CHCHD6: variants seen among roughly 807,000 people sequenced by gnomAD.
CHCHD6 encodes the protein coiled-coil-helix-coiled-coil-helix domain containing 6.
A neutral mutation model predicts 32.3 loss-of-function variants in CHCHD6; 28 were observed. The ratio of observed to expected loss-of-function variants is 0.87; its 90% CI spans 0.64 to 1.19. CHCHD6 has a LOEUF of 1.19. CHCHD6 is among the 50% of genes most tolerant of loss of function. The pLI, the probability that CHCHD6 is intolerant of heterozygous loss-of-function variation, is 0.00. For synonymous variants in CHCHD6, 122 were observed against 117.5 expected, an observed-to-expected ratio of 1.04 and a Z score of -0.25; for missense variants, 333 against 307.0, an observed-to-expected ratio of 1.08 and a Z score of -0.63.
intron 4 of CHCHD6, chr3:126,766,860 A>G: frequency 1.0e-6 from 1 of 966,466 alleles, no homozygotes; most frequent in Non-Finnish European, 1.7e-6. Flanking sequence ...CAGGGAAGTC[A>G]AACAGCTTCA....
At position 126,796,829 on chromosome 3, in the gene CHCHD6, C is replaced by T. The variant is rs568427108; in HGVS notation, c.412-55818C>T. Reference sequence around the variant, plus strand: ...CACTCGAAGCCTCTGTGGCCAAACTCGAGCTTCCTTGCCCTCCACTGTATC... The same window carrying T: ...CACTCGAAGCCTCTGTGGCCAAACTTGAGCTTCCTTGCCCTCCACTGTATC... On this transcript the variant is annotated intron_variant, in intron 4 of 7. Coordinates refer to ENST00000290913, the MANE Select transcript of CHCHD6 (RefSeq NM_032343.3). 1.2e-4 allele frequency among the ~76,000 whole-genome samples: 19 copies of T among 152,294 alleles called. No individual in the cohort carries two copies. In the East Asian group the frequency reaches 2.5e-3, roughly 20 times the overall value.
chr3:126,945,776 G>A (rs1489870223), intron 6 of CHCHD6, among the ~76,000 whole-genome samples: 3 of 150,444 alleles, frequency 2.0e-5, no homozygotes, highest in East Asian at 2.0e-4. Flanking sequence ...CTCGAGCGGG[G>A]ACACTCAGGG....
intron 6 of CHCHD6, among the ~76,000 whole-genome samples, chr3:126,947,974 G>A (rs778924246): frequency 6.6e-6 from 1 of 152,204 alleles, no homozygotes; most frequent in East Asian, 1.9e-4. Context: ...CCCTGGCATG[G>A]AGCCTGGCAT....
chr3:126,824,874 C>T lies in CHCHD6; in HGVS notation c.412-27773C>T, dbSNP rs59206005. 2.2e-4 allele frequency among the ~76,000 whole-genome samples: 33 copies of T among 152,130 alleles called. No individual in the cohort carries two copies. The East Asian group carries it at 4.1e-3, about 19-fold the overall frequency. ...GATTACAGGTGTGAGCCACTGTGCC[C>T]GGCCTGACTTTCTTGATTTTCTTAA... is the stretch of plus-strand genomic sequence containing the variant. On this transcript the variant is annotated intron_variant, in intron 4 of 7. Coordinates refer to ENST00000290913, the MANE Select transcript of CHCHD6 (RefSeq NM_032343.3).
chr3:126,790,752 T>C (rs1359490107), intron 4 of CHCHD6, among the ~76,000 whole-genome samples: 1 of 152,196 alleles, frequency 6.6e-6, no homozygotes, highest in Non-Finnish European at 1.5e-5. Context: ...TTTTAACTTC[T>C]TTGTGATGGG....
At position 126,782,022 on chromosome 3, in the gene CHCHD6, G is replaced by A. The variant is rs554720905; in HGVS notation, c.411+48800G>A. Among the ~76,000 whole-genome samples the A allele has an allele frequency of 4.6e-5, 7 of 152,194 alleles. No homozygotes were observed. The South Asian group carries it at 1.0e-3, about 23-fold the overall frequency. The stretch of plus-strand genomic sequence containing the variant: ...GCTGAGCCCAGTCAGAGGAGTTGGC[G>A]GGTGGGGAGAGGGAAAAGAAGACTG... On this transcript the variant is annotated intron_variant, in intron 4 of 7. Transcript: ENST00000290913.
chr3:126,872,060 G>A (rs1411280103), intron 5 of CHCHD6, among the ~76,000 whole-genome samples: 2 of 152,110 alleles, frequency 1.3e-5, no homozygotes, highest in Non-Finnish European at 2.9e-5. Context: ...TTAGGGTGTG[G>A]TGGCTCTCAA....
At chr3:126,895,156 A>G (rs748872061) in intron 5 of CHCHD6, among the ~76,000 whole-genome samples, 92 of 152,336 alleles carry the variant, frequency 6.0e-4, no homozygotes, top group Non-Finnish European at 9.4e-4. Context: ...ATTCTTGTTA[A>G]TGGTTGCATA....
rs548837009 is a variant in CHCHD6, at chr3:126,726,635, G to A, written c.88-443G>A. Among the ~76,000 whole-genome samples the A allele has an allele frequency of 1.4e-4, 22 of 152,332 alleles. No homozygotes were observed. In the South Asian group the frequency reaches 2.3e-3, roughly 16 times the overall value. On this transcript the variant is annotated intron_variant, in intron 1 of 7. Transcript: ENST00000290913. ...ACCTGTGCTTCACTTGCATGCTGTC[G>A]AGGAGCAGCCTTCCCTGGAGAAGGG...
At chr3:126,723,521 A>G (rs997592577) in intron 1 of CHCHD6, among the ~76,000 whole-genome samples, 2 of 151,002 alleles carry the variant, frequency 1.3e-5, no homozygotes, top group South Asian at 4.2e-4. Context: ...GTATGTCTGC[A>G]TTTTTTTTTG....
At chr3:126,717,054 G>A (rs1013063038) in intron 1 of CHCHD6, among the ~76,000 whole-genome samples, 1 of 152,206 alleles carries the variant, frequency 6.6e-6, no homozygotes, top group African/African-American at 2.4e-5. Flanking sequence ...TCAAAGCAGA[G>A]CAGCACAGCA....
chr3:126,780,428 T>A, intron 4 of CHCHD6: 1 of 366,544 alleles, frequency 2.7e-6, no homozygotes, highest in Non-Finnish European at 5.3e-6. Context: ...CTCCCTGCCT[T>A]GGGTAAGAGT....
rs200691086 is a variant in CHCHD6 at position 126,809,431 on chromosome 3, CTACTGTGGAAATTTTAAATTT to C, written c.412-43208_412-43188del. ...TGTTGATTTCACTTGTTTAAAATTT[CTACTGTGGAAATTTTAAATTT>C]TACTGTGTAAAGCTCTGCCCTTGTC... On this transcript the variant is annotated intron_variant, in intron 4 of 7. Transcript: ENST00000290913. Among the ~76,000 whole-genome samples, 44 of 152,256 alleles carry C rather than the reference CTACTGTGGAAATTTTAAATTT, an allele frequency of 2.9e-4. No individual in the cohort carries two copies. In the East Asian group the frequency reaches 8.1e-3, roughly 28 times the overall value.
intron 4 of CHCHD6, among the ~76,000 whole-genome samples, chr3:126,799,526 G>A (rs1370029244): frequency 6.6e-6 from 1 of 152,184 alleles, no homozygotes; most frequent in Non-Finnish European, 1.5e-5. Flanking sequence ...TGAAGAGATG[G>A]CCATCCAGGT....
At chr3:126,862,398 C>T (rs1228292850) in intron 5 of CHCHD6, among the ~76,000 whole-genome samples, 10 of 130,456 alleles carry the variant, frequency 7.7e-5, no homozygotes, top group South Asian at 2.8e-4. Flanking sequence ...CCTCCTCTAC[C>T]ATCACCACCT....
intron 4 of CHCHD6, among the ~76,000 whole-genome samples, chr3:126,816,060 G>A (rs1035129682): frequency 1.3e-5 from 2 of 151,936 alleles, no homozygotes; most frequent in African/African-American, 4.8e-5. Context: ...TGGCTCTTCT[G>A]CCTCCCCAAC....
At chr3:126,763,740 T>C (rs943326202) in intron 4 of CHCHD6, among the ~76,000 whole-genome samples, 5 of 152,196 alleles carry the variant, frequency 3.3e-5, no homozygotes, top group South Asian at 2.1e-4. Context: ...GGAATTGATA[T>C]CAGTTTAACT....
rs142931119 is a variant in CHCHD6, at chr3:126,917,434, T to C, written c.566+2684T>C. 6.1e-3 allele frequency among the ~76,000 whole-genome samples: 925 copies of C among 152,264 alleles called. 9 individuals are homozygous for C. The highest frequency in any genetic ancestry group is 0.021 in the African/African-American group (884 of 41,552). ...GCAGCAGGGTGGAGCTCTCAGAGCC[T>C]GCCCGGGTTTTGGACTCAGACCAGG... On this transcript the variant is annotated intron_variant, in intron 6 of 7. Transcript: ENST00000290913.
chr3:126,948,113 TCC>T (rs1264955986), intron 6 of CHCHD6, among the ~76,000 whole-genome samples: 1 of 152,158 alleles, frequency 6.6e-6, no homozygotes, highest in Non-Finnish European at 1.5e-5. Context: ...TTCCTGCCCA[TCC>T]CCGCTCCCCA....
Sources: allele counts gnomAD v4.1 joint callset (sites outside exome capture counted in the v4.1 genomes callset), GRCh38; gene constraint gnomAD v4.1.1; transcripts MANE v1.5; gene names NCBI Gene and HGNC (gene_info 2026-07-23, HGNC 2026-07-21).